IRAG2: variants seen among roughly 807,000 people sequenced by gnomAD.
The protein encoded by IRAG2 is inositol 1,4,5-triphosphate receptor associated 2, also known as lymphoid restricted membrane protein.
Under a neutral mutation model 69.9 loss-of-function variants are expected in IRAG2, and 45 were observed. That is an observed-to-expected ratio of 0.64 (90% CI 0.51 to 0.83). The LOEUF (loss-of-function observed/expected upper bound fraction) is 0.83, where lower values mean the gene tolerates loss of function less well. Ranked by LOEUF, IRAG2 falls within the 40% of genes least tolerant of loss-of-function variation. The pLI is 0.00. For missense variants in IRAG2, 520 were observed against 587.0 expected, an observed-to-expected ratio of 0.89 and a Z score of 1.18; for synonymous variants, 193 against 202.4, an observed-to-expected ratio of 0.95 and a Z score of 0.40.
intron 4 of IRAG2, among the ~76,000 whole-genome samples, chr12:25,064,185 C>A (rs1565548979): frequency 6.6e-6 from 1 of 152,068 alleles, no homozygotes; most frequent in East Asian, 1.9e-4. Context: ...GGAGACAAGA[C>A]CTGGACTCAG....
chr12:25,079,299 G>A lies in IRAG2; in HGVS notation c.71+9G>A, dbSNP rs189383095. 650 of 1,613,948 alleles carry A rather than the reference G, an allele frequency of 4.0e-4. No individual in the cohort carries two copies. The highest frequency in any genetic ancestry group is 5.1e-4 in the Non-Finnish European group (601 of 1,179,854). On this transcript the variant is annotated intron_variant, in intron 7 of 21. Coordinates refer to ENST00000556887, the MANE Select transcript of IRAG2 (RefSeq NM_001366544.2). ...AGCCTGCTGCAGTCCAGGTTTGCTTGTTTGTGTTGTGTGTGTGAATTTGTA... is the reference window on the plus strand; with the variant it reads ...AGCCTGCTGCAGTCCAGGTTTGCTTATTTGTGTTGTGTGTGTGAATTTGTA...
At chr12:25,105,071 G>GTTTTTTTTTTTTT (rs10583191) in intron 20 of IRAG2, among the ~76,000 whole-genome samples, 1 of 87,644 alleles carries the variant, frequency 1.1e-5, no homozygotes, top group Non-Finnish European at 2.2e-5. Context: ...CTTGGTCTCA[G>GTTTTTTTTTTTTT]TTTTTTTTTT....
chr12:25,105,850 T>A (rs1485984067), intron 20 of IRAG2, among the ~76,000 whole-genome samples: 1 of 152,118 alleles, frequency 6.6e-6, no homozygotes, highest in Non-Finnish European at 1.5e-5. Context: ...GATGTTTGAA[T>A]GAAAAAAAAG....
intron 10 of IRAG2, among the ~76,000 whole-genome samples, chr12:25,086,018 A>C (rs1283384540): frequency 2.6e-5 from 4 of 152,172 alleles, no homozygotes; most frequent in Non-Finnish European, 5.9e-5. Context: ...AATGAACAGA[A>C]GAAAACTCAA....
chr12:25,084,667 GGCC>G (rs1208722268), intron 10 of IRAG2, among the ~76,000 whole-genome samples: 1 of 151,974 alleles, frequency 6.6e-6, no homozygotes, highest in Non-Finnish European at 1.5e-5. Context: ...GTTAAGAGGA[GGCC>G]ATGGCACAGA....
upstream of IRAG2, chr12:25,004,284 T>TA: frequency 9.1e-7 from 1 of 1,103,738 alleles, no homozygotes; most frequent in Non-Finnish European, 1.1e-6. Flanking sequence ...TTTAAACATG[T>TA]ATCTACTTTT....
At chr12:25,009,946 T>C (rs61912234) in intron 2 of IRAG2, among the ~76,000 whole-genome samples, 16,819 of 152,260 alleles carry the variant, frequency 0.11, 1,161 homozygotes, top group Non-Finnish European at 0.16. Context: ...ATGGACAATC[T>C]GCTTTACTTG....
intron 14 of IRAG2, chr12:25,093,645 T>G (rs1948221372): frequency 6.5e-6 from 1 of 153,616 alleles, no homozygotes; most frequent in Admixed American, 6.5e-5. Flanking sequence ...CCACAATATT[T>G]GGAGAATTCT....
In IRAG2 at chr12:25,101,375, CTCT is replaced by C. The variant is rs780162366; in HGVS notation, c.889+52_889+54del. On this transcript the variant is annotated intron_variant, in intron 16 of 21. Transcript: ENST00000556887. ...ATTAGTTGTGTTTTTCTACATTCTC[CTCT>C]TTTTTGCTAAGTCTTATTATTACTT... The C allele has an allele frequency of 8.2e-5, 111 of 1,352,710 alleles. 1 individual carries two copies. In the African/African-American group the frequency reaches 1.4e-3, roughly 17 times the overall value. 83.8% of individuals were successfully genotyped at this position (1,352,710 alleles called of 1,614,324 possible).
In IRAG2 at chr12:25,077,266, A is replaced by AATATATATATC. The variant is rs57883311; in HGVS notation, c.25-1970_25-1969insATCATATATAT. 6.1e-5 allele frequency among the ~76,000 whole-genome samples: 2 copies of AATATATATATC among 32,866 alleles called. 1 individual carries two copies. The highest frequency in any genetic ancestry group is 1.2e-4 in the Non-Finnish European group (2 of 16,012). The allele number at this position is 32,866 out of a possible 152,430, so 21.6% of individuals were successfully genotyped here. A position where few individuals can be genotyped will look rare whatever the true frequency, so the allele number is the denominator to read the frequency against. On this transcript the variant is annotated intron_variant, in intron 6 of 21. Coordinates refer to ENST00000556887, the MANE Select transcript of IRAG2 (RefSeq NM_001366544.2). ...AAATATATATATGATATATATATGA[A>AATATATATATC]ATATATATGAAATATATATGATATA...
At chr12:25,080,006 T>C (rs1401252840) in intron 9 of IRAG2, among the ~76,000 whole-genome samples, 2 of 152,230 alleles carry the variant, frequency 1.3e-5, no homozygotes, top group East Asian at 3.8e-4. Flanking sequence ...GAACAAAAAT[T>C]ATGATATATT....
chr12:25,003,902 A>G (rs150985609), upstream of IRAG2, among the ~76,000 whole-genome samples: 620 of 152,344 alleles, frequency 4.1e-3, 4 homozygotes, highest in Non-Finnish European at 7.0e-3. Flanking sequence ...CACCTGCCCT[A>G]TTATAAATAA....
intron 14 of IRAG2, chr12:25,093,926 ATTGAG>A (rs145698359): frequency 0.37 from 56,570 of 151,814 alleles, 12,483 homozygotes; most frequent in East Asian, 0.79. Flanking sequence ...CCATTTTTTA[ATTGAG>A]TTATTTGGAT....
At chr12:25,091,073 C>A in intron 14 of IRAG2, 1 of 174,404 alleles carries the variant, frequency 5.7e-6, no homozygotes, top group Non-Finnish European at 1.2e-5. Flanking sequence ...AATTAGTAGG[C>A]TTAGTTTTGG....
At chr12:25,015,112 A>T in intron 3 of IRAG2, 13 of 359,380 alleles carry the variant, frequency 3.6e-5, no homozygotes, top group South Asian at 1.2e-4. Context: ...AAAAAAAAAA[A>T]GACAAAACTT....
chr12:25,090,029 C>T (rs1947931223), intron 13 of IRAG2, 28 bp from the exon 14 acceptor site: 1 of 1,609,152 alleles, frequency 6.2e-7, no homozygotes, highest in African/African-American at 1.3e-5. Flanking sequence ...CTCTCCTCTT[C>T]CTCACCCTCA....
intron 1 of IRAG2, 57 bp from the exon 2 acceptor site, chr12:25,061,535 C>A (rs1015810848): frequency 1.5e-5 from 6 of 398,088 alleles, no homozygotes; most frequent in Admixed American, 4.4e-5. Flanking sequence ...GAAATAAATT[C>A]ATTAATTAAT....
At chr12:25,033,880 G>T in exon 13 of IRAG2, 1 of 398,966 alleles carries the variant, frequency 2.5e-6, no homozygotes, top group Non-Finnish European at 4.4e-6. Flanking sequence ...AATGGAGAGT[G>T]TAACAGTATC....
chr12:25,040,029 C>A (rs1944735241), intron 16 of IRAG2, among the ~76,000 whole-genome samples: 2 of 152,216 alleles, frequency 1.3e-5, no homozygotes, highest in African/African-American at 4.8e-5. Flanking sequence ...GATGGTTGAT[C>A]TCCCACCATC....
Sources: allele counts gnomAD v4.1 joint callset (sites outside exome capture counted in the v4.1 genomes callset), GRCh38; gene constraint gnomAD v4.1.1; transcripts MANE v1.5; gene names NCBI Gene and HGNC (gene_info 2026-07-23, HGNC 2026-07-21).